SULF2: variants seen among roughly 807,000 people sequenced by gnomAD.
SULF2 encodes extracellular sulfatase Sulf-2.
Under a neutral mutation model 107.7 loss-of-function variants are expected in SULF2, and 52 were observed. That is an observed-to-expected ratio of 0.48 (90% CI 0.39 to 0.61). The LOEUF is 0.61. SULF2 is among the 20% of genes least tolerant of loss of function. SULF2 has a pLI of 0.00. For missense variants in SULF2, 993 were observed against 1,177.3 expected, an observed-to-expected ratio of 0.84 and a Z score of 2.29; for synonymous variants, 460 against 464.3, an observed-to-expected ratio of 0.99 and a Z score of 0.12.
intron 11 of SULF2, among the ~76,000 whole-genome samples, chr20:47,668,359 C>CT (rs2087346861): frequency 1.3e-5 from 2 of 152,232 alleles, no homozygotes; most frequent in Non-Finnish European, 1.5e-5. Flanking sequence ...AGCCCAAGAC[C>CT]TTTACTCTCT....
intron 3 of SULF2, among the ~76,000 whole-genome samples, chr20:47,707,305 T>C (rs4402826): frequency 0.89 from 136,173 of 152,176 alleles, 60,957 homozygotes; most frequent in East Asian, 0.95. Flanking sequence ...TTATTTTTTA[T>C]TCTTCTTTTT....
At chr20:47,758,024 C>T (rs756292263) in intron 1 of SULF2, among the ~76,000 whole-genome samples, 13 of 152,026 alleles carry the variant, frequency 8.6e-5, no homozygotes, top group African/African-American at 2.2e-4. Context: ...TCAGTTTTCC[C>T]GTGAGCAAGC....
intron 3 of SULF2, among the ~76,000 whole-genome samples, chr20:47,725,311 T>C (rs879268460): frequency 2.6e-5 from 4 of 152,176 alleles, no homozygotes; most frequent in Non-Finnish European, 5.9e-5. Flanking sequence ...TATTTACATA[T>C]AAAATAGACG....
At chr20:47,668,864 C>T (rs183400679) in intron 11 of SULF2, among the ~76,000 whole-genome samples, 1 of 152,322 alleles carries the variant, frequency 6.6e-6, no homozygotes, top group East Asian at 1.9e-4. Context: ...CCGGTCACCT[C>T]TCTGTGACTG....
chr20:47,763,104 G>A (rs1050910457), intron 1 of SULF2, among the ~76,000 whole-genome samples: 2 of 151,656 alleles, frequency 1.3e-5, no homozygotes, highest in Non-Finnish European at 2.9e-5. Context: ...GTGAACTCAC[G>A]CAGCACCAGC....
chr20:47,775,029 T>G (rs2090699596), intron 1 of SULF2, among the ~76,000 whole-genome samples: 1 of 152,110 alleles, frequency 6.6e-6, no homozygotes, highest in Non-Finnish European at 1.5e-5. Flanking sequence ...TGTTCCAGCT[T>G]GAGGTAGTAA....
chr20:47,665,788 A>G, intron 13 of SULF2, 69 bp downstream of exon 13: 1 of 1,350,182 alleles, frequency 7.4e-7, no homozygotes, highest in Non-Finnish European at 1.1e-6. Context: ...CTGCCCTCCC[A>G]CTGTGAACCG....
chr20:47,755,693 G>A lies in SULF2; in HGVS notation c.175+1496C>T, dbSNP rs78379932. ...GTCCTGTTTCTGCCCTTACCCCTGC[G>A]ATTTAATTTCATCAAAAGAGCTGGG... On this transcript the variant is annotated intron_variant, in intron 2 of 20. Transcript: ENST00000688720. Among the ~76,000 whole-genome samples, 1,503 of 152,158 alleles carry A rather than the reference G, an allele frequency of 9.9e-3. 23 individuals are homozygous for A. Among genetic ancestry groups the A allele is most frequent in the African/African-American group, 0.035 (1,433 of 41,506 alleles).
intron 3 of SULF2, among the ~76,000 whole-genome samples, chr20:47,728,606 G>A (rs576899721): frequency 6.6e-6 from 1 of 152,098 alleles, no homozygotes; most frequent in Non-Finnish European, 1.5e-5. Flanking sequence ...AACCCGCGAG[G>A]GCACAGAACA....
intron 4 of SULF2, among the ~76,000 whole-genome samples, chr20:47,701,018 A>G (rs1051653648): frequency 7.2e-5 from 11 of 152,220 alleles, no homozygotes; most frequent in African/African-American, 2.7e-4. Context: ...AAATGGGTGC[A>G]TATGTCCACT....
At chr20:47,735,037 T>C (rs1269805266) in intron 3 of SULF2, among the ~76,000 whole-genome samples, 1 of 152,212 alleles carries the variant, frequency 6.6e-6, no homozygotes, top group Non-Finnish European at 1.5e-5. Context: ...ATGAGTTTCC[T>C]TTCAGTCTGA....
intron 4 of SULF2, among the ~76,000 whole-genome samples, chr20:47,692,273 T>C (rs926240402): frequency 6.6e-6 from 1 of 152,126 alleles, no homozygotes; most frequent in African/African-American, 2.4e-5. Flanking sequence ...TATTCATATA[T>C]CTACAGACAC....
chr20:47,784,628 T>C (rs1215190714), intron 1 of SULF2, among the ~76,000 whole-genome samples: 4 of 152,116 alleles, frequency 2.6e-5, no homozygotes, highest in African/African-American at 9.7e-5. Flanking sequence ...TTCAGCCGCG[T>C]TTCCCTGGAA....
In SULF2 at chr20:47,748,567, C is replaced by T. The variant is rs73315773; in HGVS notation, c.175+8622G>A. 6.1e-3 allele frequency among the ~76,000 whole-genome samples: 932 copies of T among 152,342 alleles called. 16 individuals carry two copies. Among genetic ancestry groups the T allele is most frequent in the African/African-American group, 0.021 (864 of 41,576 alleles). On this transcript the variant is annotated intron_variant, in intron 2 of 20. Transcript: ENST00000688720. ...AAAGATGTGCCAGGAGCCTGCCTGC[C>T]GCCTTCCAGCCCTGCTCTCTGTCCA...
intron 8 of SULF2, 64 bp from the exon 9 acceptor site, chr20:47,677,198 C>T: frequency 1.3e-6 from 2 of 1,577,942 alleles, no homozygotes; most frequent in Non-Finnish European, 1.7e-6. Flanking sequence ...CCCCGTTCCC[C>T]CAGGAGCAGG....
At chr20:47,755,934 C>T (rs1259710635) in intron 2 of SULF2, among the ~76,000 whole-genome samples, 2 of 151,842 alleles carry the variant, frequency 1.3e-5, no homozygotes, top group Non-Finnish European at 2.9e-5. Flanking sequence ...TTGCTCCAAA[C>T]CACCGAGCCC....
intron 3 of SULF2, among the ~76,000 whole-genome samples, chr20:47,725,877 C>A (rs1417872559): frequency 6.6e-5 from 10 of 152,306 alleles, no homozygotes; most frequent in Non-Finnish European, 1.5e-5. Flanking sequence ...AAATCCCCTG[C>A]GACACGGATG....
chr20:47,658,422 C>T, intron 20 of SULF2, 30 bp from the exon 21 acceptor site: 3 of 1,613,082 alleles, frequency 1.9e-6, no homozygotes, highest in South Asian at 1.1e-5. Context: ...CATCTTAGCA[C>T]TTAGCTATCA....
At chr20:47,732,775 G>A (rs375795814) in intron 3 of SULF2, among the ~76,000 whole-genome samples, 132 of 152,278 alleles carry the variant, frequency 8.7e-4, no homozygotes, top group African/African-American at 3.0e-3. Flanking sequence ...CCCGGGAGGT[G>A]GAGGTTGCAG....
Sources: gnomAD v4.1 joint callset for allele counts (sites outside exome capture counted in the v4.1 genomes callset) on GRCh38, gnomAD v4.1.1 for gene constraint, MANE v1.5 for transcripts, NCBI Gene and HGNC (gene_info 2026-07-23, HGNC 2026-07-21) for gene names.